PDE7B: variants seen among roughly 807,000 people sequenced by gnomAD.
PDE7B encodes phosphodiesterase 7B, also known as 3',5'-cyclic-AMP phosphodiesterase 7B.
A neutral mutation model predicts 56.2 loss-of-function variants in PDE7B; 29 were observed. The observed-to-expected ratio is 0.52, with a 90% CI of 0.38 to 0.70. PDE7B has a LOEUF of 0.70. Ranked by LOEUF, PDE7B falls within the 30% of genes least tolerant of loss-of-function variation. PDE7B has a pLI of 0.00. For synonymous variants in PDE7B, 197 were observed against 196.9 expected, an observed-to-expected ratio of 1.00 and a Z score of 0.00; for missense variants, 490 against 565.0, an observed-to-expected ratio of 0.87 and a Z score of 1.35.
chr6:135,871,701 G>A (rs911829629), intron 1 of PDE7B, among the ~76,000 whole-genome samples: 81 of 152,216 alleles, frequency 5.3e-4, no homozygotes, highest in East Asian at 3.1e-3. Context: ...TAACTGTTCC[G>A]TGCCTCAGTT....
chr6:136,104,253 C>A (rs1158469241), intron 2 of PDE7B, among the ~76,000 whole-genome samples: 1 of 152,158 alleles, frequency 6.6e-6, no homozygotes, highest in Non-Finnish European at 1.5e-5. Context: ...TAAGAACAGA[C>A]TGGGGACATG....
At chr6:136,043,503 T>C (rs1424982039) in intron 2 of PDE7B, among the ~76,000 whole-genome samples, 1 of 151,380 alleles carries the variant, frequency 6.6e-6, no homozygotes, top group African/African-American at 2.4e-5. Context: ...CCTCAGTTTC[T>C]TCTTATGTAA....
At chr6:136,055,021 C>CA (rs1776705889) in intron 2 of PDE7B, among the ~76,000 whole-genome samples, 3 of 152,290 alleles carry the variant, frequency 2.0e-5, no homozygotes, top group African/African-American at 2.4e-5. Flanking sequence ...AGGTGAGAGC[C>CA]AAACCATATC....
At chr6:135,958,834 CCT>C (rs1774847107) in intron 2 of PDE7B, among the ~76,000 whole-genome samples, 1 of 152,046 alleles carries the variant, frequency 6.6e-6, no homozygotes, top group African/African-American at 2.4e-5. Flanking sequence ...AACATTTTCC[CCT>C]CTCACTGAAT....
At chr6:135,852,808 G>T (rs1386357638) in intron 1 of PDE7B, among the ~76,000 whole-genome samples, 1 of 152,200 alleles carries the variant, frequency 6.6e-6, no homozygotes, top group African/African-American at 2.4e-5. Flanking sequence ...AAGTGATTGA[G>T]CCTGGGGACT....
At chr6:135,868,251 T>C (rs1289264459) in intron 1 of PDE7B, among the ~76,000 whole-genome samples, 1 of 151,916 alleles carries the variant, frequency 6.6e-6, no homozygotes, top group Non-Finnish European at 1.5e-5. Flanking sequence ...TGGCAGAGGG[T>C]TCTCTGAGTT....
intron 2 of PDE7B, among the ~76,000 whole-genome samples, chr6:136,093,468 C>G (rs1777423636): frequency 6.6e-6 from 1 of 152,224 alleles, no homozygotes; most frequent in African/African-American, 2.4e-5. Flanking sequence ...ACACCTCTCC[C>G]TAAAATACAT....
At chr6:135,923,874 T>C (rs2128195766) in intron 1 of PDE7B, among the ~76,000 whole-genome samples, 1 of 152,264 alleles carries the variant, frequency 6.6e-6, no homozygotes, top group East Asian at 1.9e-4. Context: ...AACCAGTTGT[T>C]ACCAAGAGTA....
intron 6 of PDE7B, 131 bp downstream of exon 6, chr6:136,151,386 TCTTA>T (rs1778510993): frequency 1.8e-6 from 1 of 554,308 alleles, no homozygotes; most frequent in Non-Finnish European, 3.2e-6. Flanking sequence ...AATGGTCTCA[TCTTA>T]CTTTTAAAAT....
chr6:136,058,785 G>GTA (rs1260965624), intron 2 of PDE7B, among the ~76,000 whole-genome samples: 3 of 152,232 alleles, frequency 2.0e-5, no homozygotes, highest in Admixed American at 6.5e-5. Flanking sequence ...GGGAAAAATA[G>GTA]TATACCATGT....
intron 2 of PDE7B, among the ~76,000 whole-genome samples, chr6:135,958,945 G>A (rs953946117): frequency 6.6e-5 from 10 of 152,212 alleles, no homozygotes; most frequent in African/African-American, 2.4e-4. Flanking sequence ...ATTTACAAAT[G>A]AAAACCAAAT....
At chr6:136,155,887 C>T (rs937946212) in intron 8 of PDE7B, 129 bp downstream of exon 8, 2 of 980,246 alleles carry the variant, frequency 2.0e-6, no homozygotes. Context: ...GAATGAAACA[C>T]AATCTCTGCC....
At chr6:136,107,858 GT>G (rs1363751350) in intron 2 of PDE7B, among the ~76,000 whole-genome samples, 2 of 152,290 alleles carry the variant, frequency 1.3e-5, no homozygotes, top group East Asian at 1.9e-4. Flanking sequence ...GCCAGGCGTG[GT>G]GGCTCATGCC....
chr6:136,165,920 A>G (rs1442164872), intron 8 of PDE7B, among the ~76,000 whole-genome samples: 1 of 152,208 alleles, frequency 6.6e-6, no homozygotes. Context: ...AATCAGAAAA[A>G]TGGGATGAAC....
intron 11 of PDE7B, among the ~76,000 whole-genome samples, chr6:136,185,593 A>T (rs577474117): frequency 3.3e-4 from 50 of 150,884 alleles, no homozygotes; most frequent in African/African-American, 9.5e-4. Flanking sequence ...TCTCTATTTA[A>T]AAAAAAAATG....
At chr6:136,075,755 G>C (rs1243477957) in intron 2 of PDE7B, among the ~76,000 whole-genome samples, 1 of 152,130 alleles carries the variant, frequency 6.6e-6, no homozygotes, top group Non-Finnish European at 1.5e-5. Flanking sequence ...TCACTGCTAA[G>C]AAGAACGACC....
chr6:136,091,210 C>A (rs1329222116), intron 2 of PDE7B, among the ~76,000 whole-genome samples: 1 of 152,194 alleles, frequency 6.6e-6, no homozygotes, highest in South Asian at 2.1e-4. Context: ...AGATTCACTC[C>A]TGCCCAATTA....
chr6:135,943,079 A>C (rs182817117), intron 1 of PDE7B, among the ~76,000 whole-genome samples: 2 of 152,352 alleles, frequency 1.3e-5, no homozygotes, highest in East Asian at 3.9e-4. Context: ...TAAAATTAGA[A>C]GAATTTCTTC....
At chr6:135,908,232 G>A (rs1265517422) in intron 1 of PDE7B, among the ~76,000 whole-genome samples, 1 of 151,706 alleles carries the variant, frequency 6.6e-6, no homozygotes, top group African/African-American at 2.4e-5. Flanking sequence ...GGGATTACAG[G>A]CATGTGCCAC....
Sources: allele counts gnomAD v4.1 joint callset (sites outside exome capture counted in the v4.1 genomes callset), GRCh38; gene constraint gnomAD v4.1.1; transcripts MANE v1.5; gene names NCBI Gene and HGNC (gene_info 2026-07-23, HGNC 2026-07-21).